The following NEB variants were observed in gnomAD, a reference collection of about 807,000 sequenced individuals.
NEB encodes nemaline myopathy type 2.
In NEB, 512 loss-of-function variants were observed where a neutral mutation model predicts 952.2. That is an observed-to-expected ratio of 0.54 (90% CI 0.50 to 0.58). The LOEUF (loss-of-function observed/expected upper bound fraction) is 0.58. Ranked by LOEUF, NEB falls within the 20% of genes least tolerant of loss-of-function variation. The pLI is 0.00. For missense variants in NEB, 8,428 were observed against 9,231.1 expected, an observed-to-expected ratio of 0.91 and a Z score of 3.56; for synonymous variants, 2,900 against 3,149.8, an observed-to-expected ratio of 0.92 and a Z score of 2.66.
At chr2:151,493,913 T>A (rs1217810618) in intron 174 of NEB, 46 bp from the exon 175 acceptor site, 2 of 1,284,218 alleles carry the variant, frequency 1.6e-6, no homozygotes, top group Admixed American at 5.0e-5. Flanking sequence ...GAGGTAATAA[T>A]CACTATTAAT....
rs2099190661 is a variant in NEB, at chr2:151,664,773, T to C, written c.5329A>G (p.Ile1777Val). 1 of 1,609,424 alleles carries C rather than the reference T, an allele frequency of 6.2e-7. No homozygotes were observed. Among genetic ancestry groups the C allele is most frequent in the Non-Finnish European group, 8.5e-7 (1 of 1,176,566 alleles). Residue 1777 changes from isoleucine (I) to valine (V), a missense_variant, in exon 43 of 182, where the codon ATC (isoleucine) becomes GTC (valine). Transcript: ENST00000397345. ...AACCTACTTACATCACTCATGGTGA[T>C]TTGGTTTACTCTGGAGAGTAAAATA... ...PDILLSRVNQ[I>V]TMSDKLYKAG...
chr2:151,663,001 CT>C (rs1483833814), intron 45 of NEB, among the ~76,000 whole-genome samples: 1 of 152,184 alleles, frequency 6.6e-6, no homozygotes, highest in Non-Finnish European at 1.5e-5. Flanking sequence ...CTTAATTCAC[CT>C]CTCCAACCAT....
At chr2:151,518,815 T>G in intron 155 of NEB, 150 bp downstream of exon 155, 1 of 606,588 alleles carries the variant, frequency 1.6e-6, no homozygotes, top group Non-Finnish European at 2.9e-6. Context: ...TAGATTAATG[T>G]TGTCATTTGG....
rs1393913548 is a variant in NEB, at chr2:151,562,206, A to G, written c.18900T>C (p.Tyr6300=). ...NAQEILSDNV[Y]KDDLNWLKGI... ...CTTTCAACCAATTCAGGTCATCTTT[A>G]TACACATTCTGCAAGAAAGAGAGAA... Residue 6300 remains tyrosine (Y), a synonymous_variant, in exon 121 of 182, where the codon TAT becomes TAC. Coordinates refer to ENST00000397345, the MANE Select transcript of NEB (RefSeq NM_001164508.2). The G allele has an allele frequency of 1.2e-6, 2 of 1,609,868 alleles. No individual in the cohort carries two copies. The highest frequency in any genetic ancestry group is 8.5e-7 in the Non-Finnish European group (1 of 1,176,190).
Position 151,551,714 on chromosome 2 carries a change from C to T in NEB, c.19944+24G>A, listed in dbSNP as rs750262941. On this transcript the variant is annotated intron_variant, in intron 129 of 181. Coordinates refer to ENST00000397345, the MANE Select transcript of NEB (RefSeq NM_001164508.2). ...GCTGATGGAACGGATTTCTGCTGGGCACTCTCAAGTTCTCACTGCTCACCG... is the reference window on the plus strand; with the variant it reads ...GCTGATGGAACGGATTTCTGCTGGGTACTCTCAAGTTCTCACTGCTCACCG... 3.2e-6 allele frequency: 5 copies of T among 1,564,160 alleles called. No individual in the cohort carries two copies. The African/African-American group carries it at 6.8e-5, about 21-fold the overall frequency.
In NEB at chr2:151,633,746, C is replaced by T. The variant is rs1176194037; in HGVS notation, c.9322G>A (p.Val3108Met). 7 of 1,613,888 alleles carry T rather than the reference C, an allele frequency of 4.3e-6. No individual in the cohort carries two copies. The highest frequency in any genetic ancestry group is 1.6e-4 in the Middle Eastern group (1 of 6,084). Residue 3108 changes from valine (V) to methionine (M), a missense_variant, in exon 65 of 182, where the codon GTG becomes ATG. Transcript: ENST00000397345. ...AKKCQTLVSD[V>M]DYKNYLHEWT... ...TCGTGCAGGTAGTTCTTATAGTCCA[C>T]GTCACTGACTAAGGTCTGGCACTTC...
intron 107 of NEB, among the ~76,000 whole-genome samples, chr2:151,574,483 TTAAC>T (rs1023098053): frequency 4.6e-5 from 7 of 152,196 alleles, no homozygotes; most frequent in Admixed American, 6.5e-5. Flanking sequence ...TTATTCTTTC[TTAAC>T]TAAGATTTTA....
chr2:151,639,041 C>T (rs1432646912), intron 63 of NEB, among the ~76,000 whole-genome samples: 1 of 152,146 alleles, frequency 6.6e-6, no homozygotes, highest in Non-Finnish European at 1.5e-5. Context: ...AGAAAATGGT[C>T]TACATAATCT....
intron 77 of NEB, 47 bp downstream of exon 77, chr2:151,614,229 T>C (rs1299818869): frequency 6.3e-7 from 1 of 1,586,784 alleles, no homozygotes; most frequent in Non-Finnish European, 8.6e-7. Flanking sequence ...ACAAAAGAGT[T>C]AGAATGCTTT....
At chr2:151,704,901 A>G (rs1470751683) in intron 13 of NEB, among the ~76,000 whole-genome samples, 1 of 152,150 alleles carries the variant, frequency 6.6e-6, no homozygotes, top group Non-Finnish European at 1.5e-5. Context: ...AACTCAAAAA[A>G]TTAAGAAACC....
At chr2:151,568,040 T>G (rs1218276477) in intron 113 of NEB, 31 bp downstream of exon 113, 1 of 1,561,256 alleles carries the variant, frequency 6.4e-7, no homozygotes, top group Admixed American at 1.7e-5. Flanking sequence ...GTCCCACTTT[T>G]GCAAAATGCA....
chr2:151,618,305 C>T lies in NEB; in HGVS notation c.11046G>A (p.Leu3682=). ...TSITDTPEQV[L]AKNNALNMNK... ...TCATGTTTAAAGCATTGTTTTTTGC[C>T]AGCACCTGCTCCGGAGTGTCCGTTA... Residue 3682 remains leucine, a synonymous_variant, in exon 74 of 182, where the codon CTG becomes CTA. Transcript: ENST00000397345. The T allele has an allele frequency of 1.9e-6, 3 of 1,613,328 alleles. No individual in the cohort carries two copies. Among genetic ancestry groups the T allele is most frequent in the Non-Finnish European group, 2.5e-6 (3 of 1,179,688 alleles).
chr2:151,663,675 A>C lies in NEB; in HGVS notation c.5636T>G (p.Val1879Gly), dbSNP rs1231715064. 6.2e-7 allele frequency: 1 copy of C among 1,613,768 alleles called. No individual in the cohort carries two copies. The highest frequency in any genetic ancestry group is 8.5e-7 in the Non-Finnish European group (1 of 1,179,788). ...FHTPVDMLSV[V>G]AAKKSQEVAT... ...CACTTCCTGAGACTTCTTGGCTGCC[A>C]CCACACTGAGCATGTCCACCGGGGT... Residue 1879 changes from valine to glycine, a missense_variant, in exon 45 of 182, where the codon GTG (valine) becomes GGG (glycine). Physicochemically the swap from Val to Gly is moderately radical, Grantham distance 109 (BLOSUM62 -3). Transcript: ENST00000397345.
chr2:151,640,028 T>G lies in NEB; in HGVS notation c.8718A>C (p.Arg2906Ser), dbSNP rs753718572. Reference protein sequence around the residue: ...NMYKSDLQWMRGIGWVSIGSL... With the variant: ...NMYKSDLQWMSGIGWVSIGSL... ...AGCCAATGGACACCCAGCCAATGCC[T>G]CTCATCCACTGGAGATCAGACTTGT... The change falls in exon 62 of 182, where the codon AGA becomes AGC. Residue 2906 changes from arginine (R) to serine (S), a missense_variant. Arg to Ser is a moderately radical substitution (Grantham distance 110). Coordinates refer to ENST00000397345, the MANE Select transcript of NEB (RefSeq NM_001164508.2). 44 of 1,613,800 alleles carry G rather than the reference T, an allele frequency of 2.7e-5. 1 individual carries two copies. The highest frequency in any genetic ancestry group is 3.5e-5 in the Non-Finnish European group (41 of 1,179,822).
At position 151,485,748 on chromosome 2, in the gene NEB, G is replaced by A. The variant is rs781148078; in HGVS notation, c.*12C>T. On this transcript the variant is annotated 3_prime_UTR_variant, in exon 182 of 182. Coordinates refer to ENST00000397345, the MANE Select transcript of NEB (RefSeq NM_001164508.2). ...TGTAAGTCCTGCAGACAAGTGTGAT[G>A]CTTTGAAATGCCTAAATAGCTTCAA... 1.3e-6 allele frequency: 2 copies of A among 1,598,854 alleles called. No homozygotes were observed. The highest frequency in any genetic ancestry group is 3.4e-5 in the Admixed American group (2 of 59,548).
At chr2:151,631,046 A>T in intron 66 of NEB, 97 bp downstream of exon 66, 2 of 1,478,036 alleles carry the variant, frequency 1.4e-6, no homozygotes, top group Non-Finnish European at 1.8e-6. Flanking sequence ...TAAAAATGCG[A>T]CCCCACGCCT....
chr2:151,631,101 T>C, intron 66 of NEB, 42 bp downstream of exon 66: 1 of 1,606,090 alleles, frequency 6.2e-7, no homozygotes, highest in Non-Finnish European at 8.5e-7. Flanking sequence ...TATAATAACA[T>C]CTTCTGGCAT....
intron 60 of NEB, among the ~76,000 whole-genome samples, chr2:151,641,970 C>A (rs185656394): frequency 6.6e-6 from 1 of 152,306 alleles, no homozygotes; most frequent in African/African-American, 2.4e-5. Context: ...TCCCTCCCCC[C>A]ATCCTATGAC....
intron 145 of NEB, among the ~76,000 whole-genome samples, chr2:151,530,260 G>C (rs994340239): frequency 1.4e-4 from 21 of 152,138 alleles, no homozygotes; most frequent in African/African-American, 4.3e-4. Flanking sequence ...GGTATATGTG[G>C]GTTTGGATAG....
Sources: gnomAD v4.1 joint callset for allele counts (sites outside exome capture counted in the v4.1 genomes callset) on GRCh38, gnomAD v4.1.1 for gene constraint, MANE v1.5 for transcripts, NCBI Gene and HGNC (gene_info 2026-07-23, HGNC 2026-07-21) for gene names.